The following ADGRF5 variants were observed in gnomAD, a reference collection of about 807,000 sequenced individuals.
The protein encoded by ADGRF5 is adhesion G protein-coupled receptor F5.
In ADGRF5, 75 loss-of-function variants were observed where a neutral mutation model predicts 132.3. The observed-to-expected ratio is 0.57, with a 90% CI of 0.47 to 0.69. The LOEUF is 0.69. ADGRF5 is among the 30% of genes least tolerant of loss of function. The pLI is 0.00. For synonymous variants in ADGRF5, 629 were observed against 597.6 expected, an observed-to-expected ratio of 1.05 and a Z score of -0.77; for missense variants, 1,516 against 1,630.6, an observed-to-expected ratio of 0.93 and a Z score of 1.21.
chr6:46,927,289 C>T (rs1777300155), intron 1 of ADGRF5, among the ~76,000 whole-genome samples: 1 of 104,980 alleles, frequency 9.5e-6, no homozygotes, highest in African/African-American at 4.4e-5. Context: ...AATGTTAGAG[C>T]AAAGGGCGGC....
chr6:46,862,905 G>T lies in ADGRF5; in HGVS notation c.2182C>A (p.Leu728Met). The change falls in exon 15 of 21, where the codon CTG becomes ATG. Residue 728 changes from leucine (L) to methionine (M), a missense_variant. Leu to Met is a conservative substitution (Grantham distance 15, BLOSUM62 2). This residue lies in a region of ADGRF5 where 945 missense variants were observed against 929.4 expected (regional missense o/e 1.02). Transcript: ENST00000283296. ...NDCISAPINS[L>M]LQMAKALIKS... ...AGGATCACCTTAGCCATCTGGAGCA[G>T]ACTGTTTATTGGGGCAGAGATGCAG... 6.2e-7 allele frequency: 1 copy of T among 1,610,918 alleles called. No individual in the cohort carries two copies. Among genetic ancestry groups the T allele is most frequent in the Non-Finnish European group, 8.5e-7 (1 of 1,177,788 alleles).
chr6:46,893,142 G>T (rs1309911050), intron 3 of ADGRF5, among the ~76,000 whole-genome samples: 3 of 131,582 alleles, frequency 2.3e-5, no homozygotes, highest in Non-Finnish European at 3.1e-5. Context: ...AGACTCAGAT[G>T]AAGTAAGGGA....
At chr6:46,923,115 CA>C (rs1777069602), upstream of ADGRF5, among the ~76,000 whole-genome samples, 1 of 152,134 alleles carries the variant, frequency 6.6e-6, no homozygotes, top group African/African-American at 2.4e-5. Flanking sequence ...TTAATAGAGA[CA>C]GGGTCTCTCC....
intron 1 of ADGRF5, among the ~76,000 whole-genome samples, chr6:46,914,692 T>C (rs569386036): frequency 5.9e-5 from 9 of 151,932 alleles, no homozygotes; most frequent in Admixed American, 2.6e-4. Context: ...TGTGAAAACA[T>C]TGAGTTCCTA....
intron 10 of ADGRF5, among the ~76,000 whole-genome samples, chr6:46,877,460 T>C (rs1436676739): frequency 1.3e-5 from 2 of 151,640 alleles, no homozygotes; most frequent in East Asian, 3.9e-4. Flanking sequence ...TATTTGCAAA[T>C]TGGAAGTAAA....
At chr6:46,864,923 C>A (rs1455219083) in intron 14 of ADGRF5, 119 bp downstream of exon 14, 1 of 697,874 alleles carries the variant, frequency 1.4e-6, no homozygotes, top group Non-Finnish European at 2.5e-6. Context: ...GAGCCCAGGG[C>A]CTACCACAGT....
chr6:46,884,369 G>A (rs1018791440), intron 4 of ADGRF5, 98 bp from the exon 5 acceptor site: 15 of 924,384 alleles, frequency 1.6e-5, no homozygotes, highest in African/African-American at 6.6e-5. Flanking sequence ...AAGAACATCC[G>A]AATCTGACTT....
Position 46,858,324 on chromosome 6 carries a change from G to A in ADGRF5, c.3579C>T (p.Val1193=), listed in dbSNP as rs1769294428. The A allele has an allele frequency of 6.2e-7, 1 of 1,613,884 alleles. No homozygotes were observed. Among genetic ancestry groups the A allele is most frequent in the African/African-American group, 1.3e-5 (1 of 74,972 alleles). The change falls in exon 17 of 21, where the codon GTC becomes GTT. Residue 1193 remains valine, a synonymous_variant. Transcript: ENST00000283296. Reference sequence around the variant, plus strand: ...TGGAAGGCCTCAGGATCTTGGTGATGACCACAATAGTGATGGTTATGTTCA... The same window carrying A: ...TGGAAGGCCTCAGGATCTTGGTGATAACCACAATAGTGATGGTTATGTTCA... ...VVVNITITIV[V]ITKILRPSIG...
intron 3 of ADGRF5, among the ~76,000 whole-genome samples, chr6:46,889,917 G>A (rs1773477813): frequency 6.6e-6 from 1 of 151,602 alleles, no homozygotes; most frequent in Admixed American, 6.6e-5. Flanking sequence ...ATCTGGCAAA[G>A]AGCTCACCAC....
At chr6:46,907,090 A>G (rs1775462174) in intron 1 of ADGRF5, among the ~76,000 whole-genome samples, 1 of 152,216 alleles carries the variant, frequency 6.6e-6, no homozygotes, top group Non-Finnish European at 1.5e-5. Flanking sequence ...GACTCAGAGA[A>G]CACTATTCAT....
At chr6:46,910,656 G>A (rs2150905942) in intron 1 of ADGRF5, among the ~76,000 whole-genome samples, 1 of 151,986 alleles carries the variant, frequency 6.6e-6, no homozygotes, top group East Asian at 1.9e-4. Context: ...CTGAGAACAA[G>A]GTGCCATTTG....
chr6:46,897,422 T>C (rs1473199175), intron 3 of ADGRF5, among the ~76,000 whole-genome samples: 1 of 152,034 alleles, frequency 6.6e-6, no homozygotes, highest in African/African-American at 2.4e-5. Context: ...TATGTGTATG[T>C]AAAAGGGAAT....
Position 46,871,967 on chromosome 6 carries a change from G to A in ADGRF5, c.1287C>T (p.Leu429=), listed in dbSNP as rs376559445. The part of the protein sequence containing the change: ...DIDSSCSRYT[L]KADGTQCPSG... ...TTGGGCACTGGGTTCCATCAGCCTT[G>A]AGGGTGTATCTGCTGCAGCTAGAAT... The change falls in exon 11 of 21, where the codon CTC becomes CTT. Residue 429 remains leucine (L), a synonymous_variant. Transcript: ENST00000283296. 4 of 1,613,040 alleles carry A rather than the reference G, an allele frequency of 2.5e-6. No homozygotes were observed. The highest frequency in any genetic ancestry group is 1.3e-5 in the African/African-American group (1 of 74,890).
upstream of ADGRF5, among the ~76,000 whole-genome samples, chr6:46,926,489 G>T (rs1333351138): frequency 3.3e-5 from 5 of 151,964 alleles, no homozygotes; most frequent in Admixed American, 3.3e-4. Flanking sequence ...GTGAGGGGGG[G>T]GGCAGTGCAG....
chr6:46,924,589 T>C (rs1777158342), upstream of ADGRF5, among the ~76,000 whole-genome samples: 1 of 152,224 alleles, frequency 6.6e-6, no homozygotes, highest in Non-Finnish European at 1.5e-5. Flanking sequence ...CAAATGTCTA[T>C]CTCTATCATA....
chr6:46,933,341 A>T lies in ADGRF5; in HGVS notation c.-25+21393T>A, dbSNP rs76211971. Among the ~76,000 whole-genome samples the T allele has an allele frequency of 5.3e-5, 8 of 152,332 alleles. No individual in the cohort carries two copies. In the East Asian group the frequency reaches 1.5e-3, roughly 29 times the overall value. On this transcript the variant is annotated intron_variant, in intron 1 of 20. Coordinates refer to the ADGRF5 transcript ENST00000265417. ...CTCAGTAAAGTAACTCCTGTTCAAAACAACTTGCTTGTTTTAATACTGGAG... is the reference window on the plus strand; with the variant it reads ...CTCAGTAAAGTAACTCCTGTTCAAATCAACTTGCTTGTTTTAATACTGGAG...
rs1480493779 is a variant in ADGRF5 at position 46,865,059 on chromosome 6, T to C, written c.1973A>G (p.Lys658Arg). ...ANNSVWSPSM[K>R]LNLVPGENIT... ...GTTCTTACCAGGAACCAGATTCAGCTTCATAGATGGGCTCCAGACTGAATT... is the reference window on the plus strand; with the variant it reads ...GTTCTTACCAGGAACCAGATTCAGCCTCATAGATGGGCTCCAGACTGAATT... Residue 658 changes from lysine to arginine, a missense_variant, in exon 14 of 21, where the codon AAG (lysine) becomes AGG (arginine). Physicochemically the swap from Lys to Arg is conservative, Grantham distance 26. Around this residue, in one of 2 missense-constraint regions of ADGRF5, gnomAD observed 945 missense variants for 929.4 expected, o/e 1.02. Transcript: ENST00000283296. 2 of 1,606,390 alleles carry C rather than the reference T, an allele frequency of 1.2e-6. No individual in the cohort carries two copies. Among genetic ancestry groups the C allele is most frequent in the African/African-American group, 2.7e-5 (2 of 74,652 alleles).
chr6:46,952,532 G>A (rs866196981), intron 1 of ADGRF5, among the ~76,000 whole-genome samples: 1 of 152,172 alleles, frequency 6.6e-6, no homozygotes, highest in East Asian at 1.9e-4. Flanking sequence ...AAAAGGCATG[G>A]CACATGGAAA....
chr6:46,903,739 G>A (rs2150889698), intron 2 of ADGRF5, among the ~76,000 whole-genome samples: 1 of 152,234 alleles, frequency 6.6e-6, no homozygotes, highest in Non-Finnish European at 1.5e-5. Context: ...CCTCACATAA[G>A]CATATTCAGA....
Sources: allele counts gnomAD v4.1 joint callset (sites outside exome capture counted in the v4.1 genomes callset), GRCh38; gene constraint gnomAD v4.1.1; regional missense constraint gnomAD v4.1.1; transcripts MANE v1.5; gene names NCBI Gene and HGNC (gene_info 2026-07-23, HGNC 2026-07-21).